Variants in ITGB1BP1 observed in about 807,000 individuals in gnomAD.
The protein encoded by ITGB1BP1 is integrin subunit beta 1 binding protein 1, also known as integrin beta-1-binding protein 1.
ITGB1BP1 carries 20 observed loss-of-function variants against 28.0 expected under a neutral mutation model. The observed-to-expected ratio is 0.71, with a 90% CI of 0.50 to 1.04. The LOEUF (loss-of-function observed/expected upper bound fraction) is 1.04. ITGB1BP1 is among the 50% of genes least tolerant of loss of function. ITGB1BP1 has a pLI of 0.00. For synonymous variants in ITGB1BP1, 103 were observed against 89.5 expected (o/e 1.15, Z -0.85); for missense variants, 228 against 242.5 (o/e 0.94, Z 0.40).
rs758599279 is a variant in ITGB1BP1 at position 9,407,681 on chromosome 2, G to A, written c.382-83C>T. 6.7e-6 allele frequency: 10 copies of A among 1,500,798 alleles called. No homozygotes were observed. In the South Asian group the frequency reaches 9.6e-5, roughly 14 times the overall value. 93.0% of individuals were successfully genotyped at this position (1,500,798 alleles called of 1,614,324 possible). A position where few individuals can be genotyped will look rare whatever the true frequency, so the allele number is the denominator to read the frequency against. On this transcript the variant is annotated intron_variant, in intron 5 of 6. Transcript: ENST00000355346. ...GATGACACACCCTCCCAGGCAGAGT[G>A]AGGCTTGAAACAGCATATCCATAGG...
intron 4 of ITGB1BP1, chr2:9,411,976 A>G (rs1053601165): frequency 5.9e-5 from 15 of 253,390 alleles, no homozygotes; most frequent in Non-Finnish European, 7.4e-6. Flanking sequence ...CGGGAGGCGG[A>G]GATTACAGTG....
At chr2:9,418,508 C>T (rs1679416647) in intron 2 of ITGB1BP1, 118 bp downstream of exon 2, 3 of 762,386 alleles carry the variant, frequency 3.9e-6, no homozygotes, top group Admixed American at 4.0e-5. Context: ...TGTTAAAACA[C>T]ACTAGTTTGA....
At chr2:9,420,070 C>G (rs1315942147) in intron 1 of ITGB1BP1, 1 of 983,814 alleles carries the variant, frequency 1.0e-6, no homozygotes, top group African/African-American at 1.7e-5. Flanking sequence ...TCATTCTGAC[C>G]TGGGTGATGC....
chr2:9,414,145 GCAGA>G (rs1286148959), intron 3 of ITGB1BP1, 29 bp downstream of exon 3: 12 of 1,558,754 alleles, frequency 7.7e-6, no homozygotes, highest in Non-Finnish European at 9.7e-6. Flanking sequence ...AATGAAAAGC[GCAGA>G]CAATCAATGA....
At position 9,414,100 on chromosome 2, in the gene ITGB1BP1, T is replaced by C. The variant is rs1051183780; in HGVS notation, c.151+78A>G. On this transcript the variant is annotated intron_variant, in intron 3 of 6. Transcript: ENST00000355346. ...AAGAAAGCCACAAATACTGAAGAACTCATTGTGCTACCCCAGTAAAACCAC... is the reference window on the plus strand; with the variant it reads ...AAGAAAGCCACAAATACTGAAGAACCCATTGTGCTACCCCAGTAAAACCAC... 6.8e-6 allele frequency: 8 copies of C among 1,168,478 alleles called. No homozygotes were observed. In the African/African-American group the frequency reaches 1.2e-4, roughly 18 times the overall value. The allele number at this position is 1,168,478 out of a possible 1,614,324, so 72.4% of individuals were successfully genotyped here.
In ITGB1BP1 at chr2:9,404,803, G is replaced by A. The variant is rs1222657592; in HGVS notation, c.*2031C>T. On this transcript the variant is annotated 3_prime_UTR_variant, in exon 7 of 7. Coordinates refer to ENST00000355346, the MANE Select transcript of ITGB1BP1 (RefSeq NM_004763.5). ...AAAGGAAGACAGAACAAACTGGAAT[G>A]TTTTATGATGTTGTATAGCAATCGC... 6.6e-6 allele frequency: 1 copy of A among 152,026 alleles called. No individual in the cohort carries two copies. Among genetic ancestry groups the A allele is most frequent in the Non-Finnish European group, 1.5e-5 (1 of 67,938 alleles). 9.4% of individuals were successfully genotyped at this position (152,026 alleles called of 1,614,324 possible). A position where few individuals can be genotyped will look rare whatever the true frequency, so the allele number is the denominator to read the frequency against.
Position 9,404,669 on chromosome 2 carries a change from T to C in ITGB1BP1, c.*2165A>G, listed in dbSNP as rs1677048733. The C allele has an allele frequency of 6.6e-6, 1 of 152,440 alleles. No individual in the cohort carries two copies. 9.4% of individuals were successfully genotyped at this position (152,440 alleles called of 1,614,324 possible). On this transcript the variant is annotated 3_prime_UTR_variant, in exon 7 of 7. Transcript: ENST00000355346. Reference sequence around the variant, plus strand: ...TTGGAAAGTGAGGCAGCAATGCTGTTAACTGCATTTGTTGTGATGGTGCAT... The same window carrying C: ...TTGGAAAGTGAGGCAGCAATGCTGTCAACTGCATTTGTTGTGATGGTGCAT...
At chr2:9,417,061 G>A (rs935728087) in intron 2 of ITGB1BP1, among the ~76,000 whole-genome samples, 13 of 151,514 alleles carry the variant, frequency 8.6e-5, no homozygotes, top group African/African-American at 2.4e-4. Context: ...CATCCTCCCC[G>A]GCAGTCTCTC....
At chr2:9,412,651 C>T in intron 3 of ITGB1BP1, 1 of 333,152 alleles carries the variant, frequency 3.0e-6, no homozygotes, top group Non-Finnish European at 5.3e-6. Flanking sequence ...ATATATTAAC[C>T]TTCCCTTCAA....
chr2:9,408,009 A>C lies in ITGB1BP1; in HGVS notation c.381+104T>G, dbSNP rs888797719. 7 of 690,516 alleles carry C rather than the reference A, an allele frequency of 1.0e-5. No individual in the cohort carries two copies. The Admixed American group carries it at 1.6e-4, about 16-fold the overall frequency. 42.8% of individuals were successfully genotyped at this position (690,516 alleles called of 1,614,324 possible). A position where few individuals can be genotyped will look rare whatever the true frequency, so the allele number is the denominator to read the frequency against. ...CAACTGCCAGGAATGTTTACAAACCAATCACTCTGCAAACAGGAGTGGCCC... is the reference window on the plus strand; with the variant it reads ...CAACTGCCAGGAATGTTTACAAACCCATCACTCTGCAAACAGGAGTGGCCC... On this transcript the variant is annotated intron_variant, in intron 5 of 6. Transcript: ENST00000355346.
intron 4 of ITGB1BP1, 101 bp downstream of exon 4, chr2:9,412,168 C>T (rs1678509812): frequency 1.3e-5 from 13 of 964,872 alleles, no homozygotes; most frequent in Admixed American, 6.6e-5. Flanking sequence ...GCAAGCGGAG[C>T]GGCACCCAGT....
At chr2:9,407,899 G>GA (rs907470710) in intron 5 of ITGB1BP1, 24 of 568,800 alleles carry the variant, frequency 4.2e-5, no homozygotes, top group Non-Finnish European at 6.9e-5. Context: ...TTTGGGGGTG[G>GA]GGGGGGCAGG....
In ITGB1BP1 at chr2:9,421,666, G is replaced by A. The variant is rs1234953879; in HGVS notation, c.-36+1707C>T. On this transcript the variant is annotated intron_variant, in intron 1 of 6. Transcript: ENST00000355346. The stretch of plus-strand genomic sequence containing the variant: ...CGCGCCACTGCACTCCAGCCTGGAC[G>A]AAAGAGCGAGACTCCGTCTCAAAAA... Among the ~76,000 whole-genome samples the A allele has an allele frequency of 2.8e-5, 4 of 144,538 alleles. No individual in the cohort carries two copies. In the East Asian group the frequency reaches 6.0e-4, roughly 22 times the overall value. 94.8% of individuals were successfully genotyped at this position (144,538 alleles called of 152,430 possible). A position where few individuals can be genotyped will look rare whatever the true frequency, so the allele number is the denominator to read the frequency against.
chr2:9,406,676 C>T lies in ITGB1BP1; in HGVS notation c.*158G>A, dbSNP rs4798. On this transcript the variant is annotated 3_prime_UTR_variant, in exon 7 of 7. Transcript: ENST00000355346. Reference sequence around the variant, plus strand: ...AGAGTTAACTCACTGTGTAATAGGACACATTTTAATAAACAAATGATCAGC... The same window carrying T: ...AGAGTTAACTCACTGTGTAATAGGATACATTTTAATAAACAAATGATCAGC... The T allele has an allele frequency of 0.2, 125,767 of 636,988 alleles. 14,665 individuals carry two copies. Among genetic ancestry groups the T allele is most frequent in the African/African-American group, 0.39 (21,617 of 54,756 alleles). The allele number at this position is 636,988 out of a possible 1,614,324, so 39.5% of individuals were successfully genotyped here. A position where few individuals can be genotyped will look rare whatever the true frequency, so the allele number is the denominator to read the frequency against.
At chr2:9,411,871 T>C (rs922925877) in intron 4 of ITGB1BP1, among the ~76,000 whole-genome samples, 2 of 151,700 alleles carry the variant, frequency 1.3e-5, no homozygotes, top group African/African-American at 4.8e-5. Flanking sequence ...GGAAAAACCC[T>C]GTCTCTACTG....
rs1259943929 is a variant in ITGB1BP1, at chr2:9,407,475, G to A, written c.505C>T (p.Leu169=). Reference sequence around the variant, plus strand: ...AGGCTGTTGCACTGATAAACCCACAGGCTGTATTCCTCATTGCTTGCATCT... The same window carrying A: ...AGGCTGTTGCACTGATAAACCCACAAGCTGTATTCCTCATTGCTTGCATCT... The part of the protein sequence containing the change: ...TTDASNEEYS[L]WVYQCNSLEQ... The change falls in exon 6 of 7, where the codon CTG becomes TTG. Residue 169 remains leucine (L), a synonymous_variant. Coordinates refer to ENST00000355346, the MANE Select transcript of ITGB1BP1 (RefSeq NM_004763.5). 2.5e-6 allele frequency: 4 copies of A among 1,614,034 alleles called. No homozygotes were observed. Among genetic ancestry groups the A allele is most frequent in the African/African-American group, 1.3e-5 (1 of 74,906 alleles).
intron 1 of ITGB1BP1, chr2:9,422,462 A>G (rs1680011822): frequency 1.0e-6 from 1 of 985,580 alleles, no homozygotes; most frequent in East Asian, 1.1e-4. Context: ...CCTGTCAGGC[A>G]CTTGGCTACT....
rs538623184 is a variant in ITGB1BP1, at chr2:9,407,744, G to A, written c.382-146C>T. 3.1e-4 allele frequency: 261 copies of A among 850,732 alleles called. 4 individuals are homozygous for A. The South Asian group carries it at 4.0e-3, about 13-fold the overall frequency. The allele number at this position is 850,732 out of a possible 1,614,324, so 52.7% of individuals were successfully genotyped here. A position where few individuals can be genotyped will look rare whatever the true frequency, so the allele number is the denominator to read the frequency against. ...AGGGATGTCCTGTATGCTCAGTCTC[G>A]GGCAATGCCTTCAGATCCCAGCAAG... On this transcript the variant is annotated intron_variant, in intron 5 of 6. Transcript: ENST00000355346.
rs937432129 is a variant in ITGB1BP1 at position 9,407,697 on chromosome 2, T to C, written c.382-99A>G. 5 of 1,336,044 alleles carry C rather than the reference T, an allele frequency of 3.7e-6. No individual in the cohort carries two copies. In the African/African-American group the frequency reaches 4.3e-5, roughly 12 times the overall value. 82.8% of individuals were successfully genotyped at this position (1,336,044 alleles called of 1,614,324 possible). On this transcript the variant is annotated intron_variant, in intron 5 of 6. Transcript: ENST00000355346. ...AGGCAGAGTGAGGCTTGAAACAGCA[T>C]ATCCATAGGTTTCTCACCCCAAGGG...
Sources: gnomAD v4.1 joint callset for allele counts (sites outside exome capture counted in the v4.1 genomes callset) on GRCh38, gnomAD v4.1.1 for gene constraint, MANE v1.5 for transcripts, NCBI Gene and HGNC (gene_info 2026-07-23, HGNC 2026-07-21) for gene names.